Variants in MPDZ observed in about 807,000 individuals in gnomAD.
The protein encoded by MPDZ is multiple PDZ domain crumbs cell polarity complex component.
In MPDZ, 234 loss-of-function variants were observed where a neutral mutation model predicts 239.1. The observed-to-expected ratio is 0.98, with a 90% CI of 0.88 to 1.09. MPDZ has a LOEUF of 1.09. Ranked by LOEUF, MPDZ falls within the 50% of genes least tolerant of loss-of-function variation. The pLI, the probability that MPDZ is intolerant of heterozygous loss-of-function variation, is 0.00. For synonymous variants in MPDZ, 1,048 were observed against 881.3 expected, an observed-to-expected ratio of 1.19 and a Z score of -3.35; for missense variants, 3,175 against 2,510.0, an observed-to-expected ratio of 1.26 and a Z score of -5.66.
At chr9:13,264,899 A>C (rs889483548) in intron 1 of MPDZ, among the ~76,000 whole-genome samples, 1 of 152,172 alleles carries the variant, frequency 6.6e-6, no homozygotes, top group Non-Finnish European at 1.5e-5. Flanking sequence ...GTTAGACCCA[A>C]AGGAATGCAG....
At chr9:13,193,512 A>C (rs1955227827) in intron 13 of MPDZ, among the ~76,000 whole-genome samples, 199 bp from the exon 14 acceptor site, 1 of 152,126 alleles carries the variant, frequency 6.6e-6, no homozygotes, top group Non-Finnish European at 1.5e-5. Context: ...GAACTTACAA[A>C]CTGAAAGGAA....
At position 13,188,764 on chromosome 9, in the gene MPDZ, A is replaced by G. The variant is rs775700439; in HGVS notation, c.2364+20T>C. On this transcript the variant is annotated intron_variant, in intron 17 of 46. Transcript: ENST00000319217. The stretch of plus-strand genomic sequence containing the variant: ...TTTGCTTATAAATATAAAGGGAAGC[A>G]ATAAAGTCTGAATTCTTACGGGTAA... 6.2e-7 allele frequency: 1 copy of G among 1,602,290 alleles called. No individual in the cohort carries two copies. Among genetic ancestry groups the G allele is most frequent in the South Asian group, 1.1e-5 (1 of 89,988 alleles).
At chr9:13,240,196 T>C (rs1965047475) in intron 3 of MPDZ, among the ~76,000 whole-genome samples, 1 of 151,972 alleles carries the variant, frequency 6.6e-6, no homozygotes, top group South Asian at 2.1e-4. Flanking sequence ...CACAATCTGC[T>C]TAGAGGAAAA....
intron 19 of MPDZ, among the ~76,000 whole-genome samples, chr9:13,182,046 T>A (rs1953411634): frequency 6.6e-6 from 1 of 152,052 alleles, no homozygotes; most frequent in African/African-American, 2.4e-5. Context: ...GGATAACAGG[T>A]GCACCTTGAA....
At chr9:13,167,692 A>C (rs1951247500) in intron 22 of MPDZ, among the ~76,000 whole-genome samples, 1 of 152,156 alleles carries the variant, frequency 6.6e-6, no homozygotes, top group Non-Finnish European at 1.5e-5. Flanking sequence ...CACATTGATG[A>C]AGTGTCACAA....
At chr9:13,121,647 G>A (rs1944366543) in intron 38 of MPDZ, 92 bp downstream of exon 38, 2 of 1,340,022 alleles carry the variant, frequency 1.5e-6, no homozygotes, top group Admixed American at 3.5e-5. Flanking sequence ...ACTAGCCACT[G>A]ATAAAAGATT....
At chr9:13,175,169 G>A (rs1952297092) in intron 21 of MPDZ, among the ~76,000 whole-genome samples, 1 of 152,164 alleles carries the variant, frequency 6.6e-6, no homozygotes. Flanking sequence ...CACAGTTTTA[G>A]CTATTGTAAT....
At chr9:13,254,761 T>C (rs750239626) in intron 1 of MPDZ, among the ~76,000 whole-genome samples, 1 of 152,192 alleles carries the variant, frequency 6.6e-6, no homozygotes. Flanking sequence ...GAAAACAATC[T>C]ATACACCTTT....
In MPDZ at chr9:13,190,152, C is replaced by G. The variant is rs537856864; in HGVS notation, c.2116G>C (p.Gly706Arg). The change falls in exon 16 of 47, where the codon GGG becomes CGG. Residue 706 changes from glycine to arginine, a missense_variant. Transcript: ENST00000319217. ...AGIQHIELEK[G>R]SKGLGFSILD... ...ATGCTAAAACCAAGTCCTTTGCTCCCTTTCTCCAGCTCTATGTGCTGAATG... is the reference window on the plus strand; with the variant it reads ...ATGCTAAAACCAAGTCCTTTGCTCCGTTTCTCCAGCTCTATGTGCTGAATG... 1 of 1,613,198 alleles carries G rather than the reference C, an allele frequency of 6.2e-7. No individual in the cohort carries two copies. The highest frequency in any genetic ancestry group is 2.2e-5 in the East Asian group (1 of 44,720).
chr9:13,143,497 A>G lies in MPDZ; in HGVS notation c.3809T>C (p.Phe1270Ser). The G allele has an allele frequency of 6.2e-7, 1 of 1,612,934 alleles. No homozygotes were observed. The highest frequency in any genetic ancestry group is 1.1e-5 in the South Asian group (1 of 91,054). The change falls in exon 27 of 47, where the codon TTT becomes TCT. Residue 1270 changes from phenylalanine (F) to serine (S), a missense_variant. Coordinates refer to ENST00000319217, the MANE Select transcript of MPDZ (RefSeq NM_001378778.1). ...GGCGTTGATTTGTAGAGAGTCAGCA[A>G]ATGGGTTAGTGCTGCTGAAGTTGTA... ...PKYNFSSTNP[F>S]ADSLQINADK...
Position 13,110,532 on chromosome 9 carries a change from A to G in MPDZ, c.5829+104T>C, listed in dbSNP as rs983508093. On this transcript the variant is annotated intron_variant, in intron 44 of 46. Transcript: ENST00000319217. ...TTTATGTTCAAGAGAAATATTAAAT[A>G]AAATAATAGCAGAAGATTTAATCAT... The G allele has an allele frequency of 2.2e-5, 17 of 788,336 alleles. No individual in the cohort carries two copies. The South Asian group carries it at 2.5e-4, about 11-fold the overall frequency. 48.8% of individuals were successfully genotyped at this position (788,336 alleles called of 1,614,324 possible).
chr9:13,188,466 C>T (rs1162305354), intron 17 of MPDZ, among the ~76,000 whole-genome samples: 2 of 151,966 alleles, frequency 1.3e-5, no homozygotes, highest in East Asian at 1.9e-4. Context: ...TGCAATGAAC[C>T]GAGATTTCGC....
chr9:13,141,608 A>T (rs1041271716), intron 27 of MPDZ, among the ~76,000 whole-genome samples: 10 of 152,202 alleles, frequency 6.6e-5, no homozygotes, highest in Non-Finnish European at 1.5e-4. Context: ...GATTTTTTTT[A>T]AAAAACTGAC....
intron 38 of MPDZ, 161 bp from the exon 39 acceptor site, chr9:13,119,810 T>G: frequency 1.4e-6 from 1 of 726,042 alleles, no homozygotes; most frequent in South Asian, 1.8e-5. Flanking sequence ...AATTATATTT[T>G]TTGATAAATA....
At chr9:13,116,155 G>C (rs1943415351) in intron 39 of MPDZ, among the ~76,000 whole-genome samples, 1 of 151,978 alleles carries the variant, frequency 6.6e-6, no homozygotes, top group African/African-American at 2.4e-5. Context: ...AATCTTTCTT[G>C]CACCCCTTTA....
intron 27 of MPDZ, among the ~76,000 whole-genome samples, chr9:13,141,393 T>C (rs1947653099): frequency 6.6e-6 from 1 of 152,152 alleles, no homozygotes; most frequent in Non-Finnish European, 1.5e-5. Flanking sequence ...TTATATCATG[T>C]TGTCTCCTCC....
At chr9:13,138,355 G>A (rs551395536) in intron 28 of MPDZ, among the ~76,000 whole-genome samples, 13 of 152,122 alleles carry the variant, frequency 8.5e-5, no homozygotes, top group Non-Finnish European at 1.5e-4. Flanking sequence ...GAATTTCTTT[G>A]CATCTAGGGT....
At position 13,223,574 on chromosome 9, in the gene MPDZ, T is replaced by C; in HGVS notation, c.530A>G (p.His177Arg). ...GAAGACGCCGCGACCATCTCACCTA[T>C]GGGCCACACTGCCCTCTTGTATCTC... ...VQEIQEGSVA[H>R]RDGRLKETDQ... Residue 177 changes from histidine (H) to arginine (R), a missense_variant, in exon 5 of 47, where the codon CAT (histidine) becomes CGT (arginine). Transcript: ENST00000319217. The C allele has an allele frequency of 6.2e-7, 1 of 1,610,432 alleles. No individual in the cohort carries two copies. Among genetic ancestry groups the C allele is most frequent in the Non-Finnish European group, 8.5e-7 (1 of 1,177,962 alleles).
intron 12 of MPDZ, among the ~76,000 whole-genome samples, chr9:13,197,832 G>C (rs1156275254): frequency 6.6e-6 from 1 of 152,012 alleles, no homozygotes; most frequent in South Asian, 2.1e-4. Flanking sequence ...CCACTTATAA[G>C]TGAGATCATG....
Sources: allele counts gnomAD v4.1 joint callset (sites outside exome capture counted in the v4.1 genomes callset), GRCh38; gene constraint gnomAD v4.1.1; transcripts MANE v1.5; gene names NCBI Gene and HGNC (gene_info 2026-07-23, HGNC 2026-07-21).